Variants in IPO11 observed in about 807,000 individuals in gnomAD.
The protein encoded by IPO11 is importin-11.
IPO11 carries 66 observed loss-of-function variants against 143.2 expected under a neutral mutation model. That is an observed-to-expected ratio of 0.46 (90% CI 0.38 to 0.57). The LOEUF is 0.57. IPO11 is among the 20% of genes least tolerant of loss of function. IPO11 has a pLI of 0.00. For synonymous variants in IPO11, 385 were observed against 377.8 expected (o/e 1.02, Z -0.22); for missense variants, 1,026 against 1,141.0 (o/e 0.90, Z 1.45).
chr5:62,457,468 T>C (rs1745204465), intron 5 of IPO11, among the ~76,000 whole-genome samples: 1 of 152,148 alleles, frequency 6.6e-6, no homozygotes, highest in African/African-American at 2.4e-5. Context: ...AGTTAGACCA[T>C]GTGTCTAAAA....
Position 62,412,940 on chromosome 5 carries a change from G to C in IPO11, c.-7+11G>C, listed in dbSNP as rs1359947447. ...CGACCGAACCAAACGGTGAGGCCCC[G>C]GCCCGAGAGCCACCGAGCGCGCGGG... On this transcript the variant is annotated intron_variant, in intron 1 of 29. Transcript: ENST00000325324. 6.5e-6 allele frequency: 1 copy of C among 152,720 alleles called. No homozygotes were observed. The highest frequency in any genetic ancestry group is 2.1e-4 in the South Asian group (1 of 4,836). 9.5% of individuals were successfully genotyped at this position (152,720 alleles called of 1,614,324 possible).
In IPO11 at chr5:62,417,321, A is replaced by ATTTTTTTTTT. The variant is rs34767317; in HGVS notation, c.-7+4409_-7+4418dup. Among the ~76,000 whole-genome samples, 17 of 65,350 alleles carry ATTTTTTTTTT rather than the reference A, an allele frequency of 2.6e-4. 1 individual carries two copies. Among genetic ancestry groups the ATTTTTTTTTT allele is most frequent in the African/African-American group, 3.2e-4 (5 of 15,728 alleles). The allele number at this position is 65,350 out of a possible 152,430, so 42.9% of individuals were successfully genotyped here. ...ATTTTCTTCACCTCCTTATTGGTTAATTTTTTTTTTTTTTTTTTTTTTTTT... is the reference window on the plus strand; with the variant it reads ...ATTTTCTTCACCTCCTTATTGGTTAATTTTTTTTTTTTTTTTTTTTTTTTTTTTTTTTTTT... On this transcript the variant is annotated intron_variant, in intron 1 of 29. Coordinates refer to ENST00000325324, the MANE Select transcript of IPO11 (RefSeq NM_016338.5).
chr5:62,602,525 A>G (rs891729468), intron 29 of IPO11, among the ~76,000 whole-genome samples: 1 of 152,178 alleles, frequency 6.6e-6, no homozygotes, highest in Non-Finnish European at 1.5e-5. Context: ...CATTTGCAAA[A>G]TGAAAACAAT....
intron 19 of IPO11, among the ~76,000 whole-genome samples, chr5:62,513,387 G>C (rs1214250130): frequency 7.1e-6 from 1 of 141,118 alleles, no homozygotes; most frequent in Non-Finnish European, 1.6e-5. Flanking sequence ...CCTCCCGGAC[G>C]GGGCGGCTGG....
intron 20 of IPO11, among the ~76,000 whole-genome samples, chr5:62,517,702 C>T (rs1322978165): frequency 6.6e-6 from 1 of 152,178 alleles, no homozygotes; most frequent in African/African-American, 2.4e-5. Context: ...TGCTCCCGGC[C>T]TCCAAGATGT....
intron 27 of IPO11, chr5:62,562,294 A>G (rs892436973): frequency 2.0e-5 from 3 of 152,260 alleles, no homozygotes; most frequent in Admixed American, 6.5e-5. Context: ...TTGTGTTAAA[A>G]GAATAATGAT....
At chr5:62,454,726 C>T (rs1745065263) in intron 5 of IPO11, among the ~76,000 whole-genome samples, 2 of 152,150 alleles carry the variant, frequency 1.3e-5, no homozygotes, top group South Asian at 4.1e-4. Flanking sequence ...TAATTGTCGA[C>T]TTATTTTTCT....
At chr5:62,450,071 A>C in intron 4 of IPO11, 72 bp downstream of exon 4, 2 of 977,138 alleles carry the variant, frequency 2.0e-6, no homozygotes, top group Non-Finnish European at 3.1e-6. Flanking sequence ...ATATTCTGGC[A>C]TTAAAATGAA....
At chr5:62,443,422 CGT>C (rs1335063941) in intron 3 of IPO11, 3 of 117,534 alleles carry the variant, frequency 2.6e-5, no homozygotes, top group Non-Finnish European at 3.5e-5. Context: ...TGTGTGTGTG[CGT>C]GTGTGCGTGT....
intron 29 of IPO11, among the ~76,000 whole-genome samples, chr5:62,607,424 T>G (rs1745765453): frequency 1.3e-5 from 2 of 152,118 alleles, no homozygotes; most frequent in South Asian, 4.2e-4. Context: ...ACCAGTAGAT[T>G]GATTCTTTTG....
At chr5:62,617,609 C>A (rs1746188893) in intron 29 of IPO11, among the ~76,000 whole-genome samples, 1 of 151,862 alleles carries the variant, frequency 6.6e-6, no homozygotes, top group Non-Finnish European at 1.5e-5. Context: ...GGAAGGAAAA[C>A]AATTCCCTAT....
At chr5:62,620,866 G>T (rs1184718959) in intron 29 of IPO11, among the ~76,000 whole-genome samples, 1 of 152,218 alleles carries the variant, frequency 6.6e-6, no homozygotes, top group Non-Finnish European at 1.5e-5. Flanking sequence ...AGAGTGTCCT[G>T]GCCAAAGAGG....
chr5:62,477,791 C>T (rs569591621), intron 9 of IPO11, among the ~76,000 whole-genome samples: 3 of 152,140 alleles, frequency 2.0e-5, no homozygotes, highest in Non-Finnish European at 4.4e-5. Context: ...TGAGATTTTT[C>T]AGTTCTTTCA....
chr5:62,501,199 A>G (rs532540169), intron 16 of IPO11, among the ~76,000 whole-genome samples: 3 of 151,490 alleles, frequency 2.0e-5, no homozygotes, highest in Admixed American at 1.3e-4. Context: ...AGTTTTGTCA[A>G]TTTTTCTTTT....
At chr5:62,514,265 A>G (rs1417751628) in intron 19 of IPO11, among the ~76,000 whole-genome samples, 1 of 152,054 alleles carries the variant, frequency 6.6e-6, no homozygotes, top group Non-Finnish European at 1.5e-5. Context: ...GGCCATAGCG[A>G]GCCGAGATCA....
intron 5 of IPO11, among the ~76,000 whole-genome samples, chr5:62,452,586 T>G (rs1270059091): frequency 1.3e-5 from 2 of 150,864 alleles, no homozygotes; most frequent in East Asian, 3.9e-4. Flanking sequence ...AGGGCAGATA[T>G]AGGAAGGAGT....
At chr5:62,434,467 T>C (rs1262536679) in intron 1 of IPO11, among the ~76,000 whole-genome samples, 2 of 151,910 alleles carry the variant, frequency 1.3e-5, no homozygotes, top group Non-Finnish European at 2.9e-5. Context: ...ACCTGGGTAA[T>C]TTTTGTATTT....
intron 22 of IPO11, among the ~76,000 whole-genome samples, chr5:62,536,288 G>T (rs1399784469): frequency 6.6e-6 from 1 of 152,044 alleles, no homozygotes; most frequent in East Asian, 1.9e-4. Flanking sequence ...GAAATGAAAG[G>T]TTGGGTCAAA....
At chr5:62,579,382 T>G (rs1432478613) in intron 27 of IPO11, 1 of 1,493,476 alleles carries the variant, frequency 6.7e-7, no homozygotes, top group Admixed American at 2.0e-5. Context: ...ATTTAAAGCT[T>G]TACCTTCTCT....
Sources: gnomAD v4.1 joint callset for allele counts (sites outside exome capture counted in the v4.1 genomes callset) on GRCh38, gnomAD v4.1.1 for gene constraint, MANE v1.5 for transcripts, NCBI Gene and HGNC (gene_info 2026-07-23, HGNC 2026-07-21) for gene names.